The following AFF1 variants were observed in gnomAD, a reference collection of about 807,000 sequenced individuals.
AFF1 encodes the protein ALF transcription elongation factor 1, also known as AF4/FMR2 family member 1.
A neutral mutation model predicts 121.7 loss-of-function variants in AFF1; 48 were observed. The observed-to-expected ratio is 0.39, with a 90% CI of 0.31 to 0.50. The LOEUF (loss-of-function observed/expected upper bound fraction) is 0.50, where lower values mean the gene tolerates loss of function less well. AFF1 is among the 20% of genes least tolerant of loss of function. The pLI is 0.76. For missense variants in AFF1, 1,523 were observed against 1,511.7 expected (o/e 1.01, Z -0.12); for synonymous variants, 613 against 563.0 (o/e 1.09, Z -1.26).
At chr4:87,042,953 A>T (rs1730303130) in intron 2 of AFF1, among the ~76,000 whole-genome samples, 1 of 152,236 alleles carries the variant, frequency 6.6e-6, no homozygotes, top group Non-Finnish European at 1.5e-5. Flanking sequence ...TGATTGATTT[A>T]AAAATATTTT....
intron 2 of AFF1, among the ~76,000 whole-genome samples, chr4:87,014,316 G>T (rs1224601046): frequency 6.6e-6 from 1 of 152,192 alleles, no homozygotes; most frequent in Non-Finnish European, 1.5e-5. Context: ...AGTTTACCAG[G>T]TGGCAGTTGT....
At chr4:87,125,200 T>C in intron 13 of AFF1, 57 bp downstream of exon 13, 2 of 1,334,240 alleles carry the variant, frequency 1.5e-6, no homozygotes, top group Non-Finnish European at 2.0e-6. Flanking sequence ...TCTTGGGTCT[T>C]GACATAGCAA....
At chr4:87,000,468 A>G (rs1376610887) in intron 2 of AFF1, among the ~76,000 whole-genome samples, 1 of 152,244 alleles carries the variant, frequency 6.6e-6, no homozygotes, top group Non-Finnish European at 1.5e-5. Flanking sequence ...ACCAATGTTG[A>G]TTTCTCAGTT....
chr4:86,978,162 TTC>T (rs1723447501), intron 2 of AFF1, among the ~76,000 whole-genome samples: 2 of 100,328 alleles, frequency 2.0e-5, no homozygotes, highest in Non-Finnish European at 4.8e-5. Flanking sequence ...CTTCTCTTAC[TTC>T]TCATTACATT....
At chr4:87,022,521 A>C (rs1165271870) in intron 2 of AFF1, among the ~76,000 whole-genome samples, 1 of 125,786 alleles carries the variant, frequency 8.0e-6, no homozygotes, top group Non-Finnish European at 1.7e-5. Flanking sequence ...CCCCTCTACG[A>C]TGTTTTCTTC....
Position 87,132,382 on chromosome 4 carries a change from C to T in AFF1, c.3285C>T (p.Ala1095=), listed in dbSNP as rs1248004160. The change falls in exon 19 of 21, where the codon GCC becomes GCT. Residue 1095 remains alanine (A), a synonymous_variant. Coordinates refer to ENST00000395146, the MANE Select transcript of AFF1 (RefSeq NM_001166693.3). ...NKHFESSSKV[A]QAPSPCIARS... ...ACTTCGAGAGTTCTTCCAAAGTCGC[C>T]CAGGCACCTTCTCCATGCATTGCAA... is the stretch of plus-strand genomic sequence containing the variant. 1 of 1,611,648 alleles carries T rather than the reference C, an allele frequency of 6.2e-7. No individual in the cohort carries two copies. The highest frequency in any genetic ancestry group is 1.3e-5 in the African/African-American group (1 of 74,736).
chr4:87,079,065 C>T (rs139092790), intron 4 of AFF1, among the ~76,000 whole-genome samples: 101 of 152,226 alleles, frequency 6.6e-4, no homozygotes, highest in Non-Finnish European at 1.1e-3. Context: ...CAAGATTCAG[C>T]GCCAGTCTTC....
At chr4:87,091,590 A>G in intron 6 of AFF1, among the ~76,000 whole-genome samples, 1 of 152,222 alleles carries the variant, frequency 6.6e-6, no homozygotes, top group East Asian at 1.9e-4. Flanking sequence ...AAAAGTTTGA[A>G]TAGATGGATA....
At chr4:86,978,854 T>C (rs1723510181) in intron 2 of AFF1, among the ~76,000 whole-genome samples, 1 of 152,220 alleles carries the variant, frequency 6.6e-6, no homozygotes, top group South Asian at 2.1e-4. Context: ...TCTCTGCTTT[T>C]CCCACCATAA....
At chr4:87,041,623 G>A (rs1448039511) in intron 2 of AFF1, among the ~76,000 whole-genome samples, 1 of 152,096 alleles carries the variant, frequency 6.6e-6, no homozygotes, top group East Asian at 1.9e-4. Context: ...GGAAAGAATG[G>A]CCAGGCTGAT....
intron 15 of AFF1, 53 bp downstream of exon 15, chr4:87,127,170 C>CCCCCG: frequency 7.7e-7 from 1 of 1,293,504 alleles, no homozygotes; most frequent in Non-Finnish European, 1.1e-6. Context: ...TTTGCTTCCC[C>CCCCCG]CCCCCACCAA....
chr4:87,081,152 A>AATTT (rs1723126878), intron 4 of AFF1, among the ~76,000 whole-genome samples: 1 of 89,718 alleles, frequency 1.1e-5, no homozygotes, highest in Non-Finnish European at 2.1e-5. Flanking sequence ...AATGAAATGA[A>AATTT]TTTTTTTTTT....
chr4:87,017,332 T>A (rs1487911300), intron 2 of AFF1, among the ~76,000 whole-genome samples: 1 of 151,104 alleles, frequency 6.6e-6, no homozygotes, highest in East Asian at 1.9e-4. Context: ...TTGCATTTGA[T>A]TATTAGAAAA....
intron 4 of AFF1, among the ~76,000 whole-genome samples, chr4:87,048,619 C>T (rs950754238): frequency 6.6e-6 from 1 of 152,008 alleles, no homozygotes; most frequent in Non-Finnish European, 1.5e-5. Flanking sequence ...GGTGAAATTC[C>T]TCAGGTGGGG....
chr4:87,079,689 A>G (rs141555807), intron 4 of AFF1, among the ~76,000 whole-genome samples: 1 of 152,132 alleles, frequency 6.6e-6, no homozygotes, highest in African/African-American at 2.4e-5. Flanking sequence ...AGACAACTTA[A>G]TTTCTCTAGG....
chr4:86,969,859 G>A (rs1178499504), intron 2 of AFF1, among the ~76,000 whole-genome samples: 2 of 89,382 alleles, frequency 2.2e-5, no homozygotes, highest in Non-Finnish European at 4.5e-5. Context: ...TGGCCTGGGC[G>A]GAAGAGCGAG....
intron 11 of AFF1, among the ~76,000 whole-genome samples, chr4:87,114,039 G>A (rs1341607840): frequency 6.6e-6 from 1 of 152,132 alleles, no homozygotes; most frequent in East Asian, 1.9e-4. Context: ...TAATAGAGTA[G>A]TTCACAAAAC....
At chr4:87,053,606 A>G (rs1731475441) in intron 4 of AFF1, among the ~76,000 whole-genome samples, 1 of 152,220 alleles carries the variant, frequency 6.6e-6, no homozygotes, top group South Asian at 2.1e-4. Flanking sequence ...CACTCAAAAC[A>G]CATTTAAGCA....
chr4:87,116,108 A>G (rs911386148), intron 12 of AFF1, among the ~76,000 whole-genome samples: 13 of 152,210 alleles, frequency 8.5e-5, no homozygotes, highest in African/African-American at 3.1e-4. Context: ...ACGCATGACC[A>G]TACAACACCT....
Sources: allele counts gnomAD v4.1 joint callset (sites outside exome capture counted in the v4.1 genomes callset), GRCh38; gene constraint gnomAD v4.1.1; transcripts MANE v1.5; gene names NCBI Gene and HGNC (gene_info 2026-07-23, HGNC 2026-07-21).